The following ZFHX3 variants were observed in gnomAD, a reference collection of about 807,000 sequenced individuals.
The protein encoded by ZFHX3 is zinc finger homeobox 3.
In ZFHX3, 42 loss-of-function variants were observed where a neutral mutation model predicts 279.1. The ratio of observed to expected loss-of-function variants is 0.15; its 90% CI spans 0.12 to 0.19. ZFHX3 has a LOEUF of 0.19. ZFHX3 is among the 10% of genes least tolerant of loss of function. The probability of loss-of-function intolerance (pLI) is 1.00; values close to 1 mark genes in which losing one functional copy is unlikely to be tolerated. For missense variants in ZFHX3, 4,981 were observed against 4,754.0 expected (o/e 1.05, Z -1.40); for synonymous variants, 2,293 against 1,957.8 (o/e 1.17, Z -4.52).
At chr16:73,891,486 A>G (rs1267542546) in intron 1 of ZFHX3, among the ~76,000 whole-genome samples, 1 of 152,150 alleles carries the variant, frequency 6.6e-6, no homozygotes, top group Non-Finnish European at 1.5e-5. Context: ...ACAGCTACTG[A>G]GAAGGAAGGA....
intron 4 of ZFHX3, among the ~76,000 whole-genome samples, chr16:73,295,888 A>G (rs991391730): frequency 6.6e-6 from 1 of 152,230 alleles, no homozygotes; most frequent in South Asian, 2.1e-4. Context: ...CTCTGCAGGA[A>G]GTAGCTTTCT....
intron 2 of ZFHX3, among the ~76,000 whole-genome samples, chr16:73,568,827 T>C (rs566011180): frequency 6.6e-6 from 1 of 152,098 alleles, no homozygotes; most frequent in South Asian, 2.1e-4. Context: ...GATTACATGG[T>C]AAATTATCGT....
chr16:73,411,993 C>T (rs2017476552), intron 3 of ZFHX3, among the ~76,000 whole-genome samples: 1 of 152,102 alleles, frequency 6.6e-6, no homozygotes, highest in African/African-American at 2.4e-5. Context: ...AATTAAAGAC[C>T]TCTAAGACAG....
intron 1 of ZFHX3, among the ~76,000 whole-genome samples, chr16:73,689,007 G>C (rs1368144564): frequency 6.6e-6 from 1 of 151,984 alleles, no homozygotes; most frequent in African/African-American, 2.4e-5. Flanking sequence ...CCTGGTCTTG[G>C]GTATGTCTTT....
At chr16:73,589,559 G>A (rs1358542962) in intron 2 of ZFHX3, among the ~76,000 whole-genome samples, 5 of 149,946 alleles carry the variant, frequency 3.3e-5, no homozygotes, top group East Asian at 2.0e-4. Flanking sequence ...GTGAAACCCC[G>A]TCTCTACTAA....
intron 2 of ZFHX3, among the ~76,000 whole-genome samples, chr16:73,643,366 T>C (rs2052590523): frequency 6.6e-6 from 1 of 152,160 alleles, no homozygotes; most frequent in South Asian, 2.1e-4. Flanking sequence ...TCAGCTCAAT[T>C]ATCATAAAAT....
intron 8 of ZFHX3, among the ~76,000 whole-genome samples, chr16:73,079,291 AAGGTGGGC>A (rs1965919712): frequency 1.3e-5 from 2 of 151,688 alleles, no homozygotes; most frequent in Admixed American, 6.6e-5. Flanking sequence ...TTGGGAGGCC[AAGGTGGGC>A]AGATCACTTG....
intron 3 of ZFHX3, among the ~76,000 whole-genome samples, chr16:73,339,701 A>G (rs1356286831): frequency 6.6e-6 from 1 of 152,198 alleles, no homozygotes; most frequent in Non-Finnish European, 1.5e-5. Context: ...GCCTATGGTA[A>G]TATTTATCCT....
intron 1 of ZFHX3, among the ~76,000 whole-genome samples, chr16:72,996,533 T>C (rs991311301): frequency 6.6e-6 from 1 of 152,152 alleles, no homozygotes; most frequent in Non-Finnish European, 1.5e-5. Flanking sequence ...AGCACCAAAA[T>C]GCTAACAACT....
chr16:73,153,704 C>T (rs920756488), intron 5 of ZFHX3, among the ~76,000 whole-genome samples: 9 of 151,994 alleles, frequency 5.9e-5, no homozygotes, highest in African/African-American at 1.9e-4. Flanking sequence ...GGCTGGAGTG[C>T]AGTGGCGTGA....
At chr16:73,673,650 C>T (rs1318648670) in intron 2 of ZFHX3, among the ~76,000 whole-genome samples, 1 of 152,062 alleles carries the variant, frequency 6.6e-6, no homozygotes, top group African/African-American at 2.4e-5. Flanking sequence ...TTCAGAAACA[C>T]CAACCTTAGA....
chr16:73,167,852 C>G (rs1331793922), intron 5 of ZFHX3, among the ~76,000 whole-genome samples: 18 of 152,190 alleles, frequency 1.2e-4, no homozygotes, highest in Admixed American at 7.9e-4. Context: ...TCAGACACTT[C>G]TGTTTCCCAT....
At position 73,169,782 on chromosome 16, in the gene ZFHX3, T is replaced by C. The variant is rs545592391; in HGVS notation, c.-1103-25951A>G. On this transcript the variant is annotated intron_variant, in intron 5 of 17. Coordinates refer to the ZFHX3 transcript ENST00000641206. ...GTGGAGACGCATGGATTCTTGATAT[T>C]AATGGATGACAGACATTCTTTGCCT... Among the ~76,000 whole-genome samples, 22 of 152,306 alleles carry C rather than the reference T, an allele frequency of 1.4e-4. No individual in the cohort carries two copies. The South Asian group carries it at 2.5e-3, about 17-fold the overall frequency.
chr16:72,985,519 G>A (rs1962807288), intron 1 of ZFHX3, among the ~76,000 whole-genome samples: 2 of 152,180 alleles, frequency 1.3e-5, no homozygotes, highest in African/African-American at 4.8e-5. Context: ...GAACAACATT[G>A]GACTGGACAG....
At position 73,683,944 on chromosome 16, in the gene ZFHX3, A is replaced by G. The variant is rs563903377; in HGVS notation, c.-1607-3704T>C. On this transcript the variant is annotated intron_variant, in intron 1 of 17. Transcript: ENST00000641206. ...CCACATATACAGTCTGTGCCAAACT[A>G]CTCAACTCTGTGCTTGTAGAAGGAA... 2.6e-5 allele frequency among the ~76,000 whole-genome samples: 4 copies of G among 152,304 alleles called. No individual in the cohort carries two copies. In the South Asian group the frequency reaches 8.3e-4, roughly 32 times the overall value.
At chr16:73,192,421 A>C (rs1968061437) in intron 5 of ZFHX3, among the ~76,000 whole-genome samples, 1 of 152,150 alleles carries the variant, frequency 6.6e-6, no homozygotes, top group Non-Finnish European at 1.5e-5. Flanking sequence ...CCCGGGACAC[A>C]ACAGAGGAGA....
At chr16:73,176,019 AC>A (rs1011218662) in intron 5 of ZFHX3, among the ~76,000 whole-genome samples, 4 of 152,280 alleles carry the variant, frequency 2.6e-5, no homozygotes, top group Middle Eastern at 3.4e-3. Flanking sequence ...GCCATCCCCA[AC>A]CCACCTCGTC....
chr16:73,157,497 T>C (rs1431698970), intron 5 of ZFHX3, among the ~76,000 whole-genome samples: 8 of 118,350 alleles, frequency 6.8e-5, no homozygotes, highest in Admixed American at 4.8e-4. Flanking sequence ...CAGTCCACGA[T>C]AGACATTTTA....
At position 72,794,113 on chromosome 16, in the gene ZFHX3, T is replaced by C; in HGVS notation, c.8569A>G (p.Ser2857Gly). ...TGDEGNADND[S>G]ATGIATETKS... ...GTTTCAGTTGCTATTCCCGTTGCAC[T>C]GTCGTTATCTGCGTTGCCCTCGTCT... Residue 2857 changes from serine to glycine, a missense_variant, in exon 9 of 10, where the codon AGT becomes GGT. Transcript: ENST00000268489. This position sits in a 1 kb window ranked among gnomAD's most constrained non-coding sequence, Gnocchi z 4.2. 6.2e-7 allele frequency: 1 copy of C among 1,614,236 alleles called. No homozygotes were observed. The highest frequency in any genetic ancestry group is 8.5e-7 in the Non-Finnish European group (1 of 1,180,052).
Sources: allele counts gnomAD v4.1 joint callset (sites outside exome capture counted in the v4.1 genomes callset), GRCh38; gene constraint gnomAD v4.1.1; non-coding constraint Gnocchi (gnomAD v3.1); transcripts MANE v1.5; gene names NCBI Gene and HGNC (gene_info 2026-07-23, HGNC 2026-07-21).